Variants in GABBR2 observed in about 807,000 individuals in gnomAD.
The protein encoded by GABBR2 is gamma-aminobutyric acid type B receptor subunit 2.
A neutral mutation model predicts 105.6 loss-of-function variants in GABBR2; 23 were observed. That is an observed-to-expected ratio of 0.22 (90% CI 0.16 to 0.31). GABBR2 has a LOEUF of 0.31. GABBR2 is among the 10% of genes least tolerant of loss of function. The pLI, the probability that GABBR2 is intolerant of heterozygous loss-of-function variation, is 1.00. For synonymous variants in GABBR2, 478 were observed against 499.7 expected (o/e 0.96, Z 0.58); for missense variants, 734 against 1,245.5 (o/e 0.59, Z 6.18).
chr9:98,548,655 G>A (rs1274479816), intron 2 of GABBR2, among the ~76,000 whole-genome samples: 1 of 119,548 alleles, frequency 8.4e-6, no homozygotes, highest in Non-Finnish European at 1.9e-5. Context: ...GTTAGGTAGA[G>A]GCAATAGCTA....
intron 4 of GABBR2, among the ~76,000 whole-genome samples, chr9:98,491,164 C>T (rs948161632): frequency 3.3e-5 from 5 of 152,158 alleles, no homozygotes; most frequent in Non-Finnish European, 7.4e-5. Context: ...ATGTTATTCT[C>T]AAGGTGGATT....
At chr9:98,625,363 T>C (rs1829722423) in intron 1 of GABBR2, among the ~76,000 whole-genome samples, 1 of 152,338 alleles carries the variant, frequency 6.6e-6, no homozygotes, top group Middle Eastern at 3.4e-3. Context: ...TGCCCTTCTG[T>C]GGAAACTGTT....
At chr9:98,642,748 C>CGT (rs142022326) in intron 1 of GABBR2, among the ~76,000 whole-genome samples, 2 of 152,112 alleles carry the variant, frequency 1.3e-5, no homozygotes, top group African/African-American at 2.4e-5. Context: ...TAGGCGTGCG[C>CGT]GTGTGTGTGT....
intron 3 of GABBR2, among the ~76,000 whole-genome samples, chr9:98,521,702 T>A (rs953845132): frequency 6.6e-6 from 1 of 152,078 alleles, no homozygotes; most frequent in African/African-American, 2.4e-5. Context: ...CCTAGGCTGG[T>A]CATATAAAAT....
At chr9:98,324,685 G>A (rs952186737) in intron 13 of GABBR2, among the ~76,000 whole-genome samples, 4 of 152,178 alleles carry the variant, frequency 2.6e-5, no homozygotes, top group Admixed American at 6.5e-5. Flanking sequence ...GCCACTGCTG[G>A]CGGTGTGTGG....
chr9:98,586,472 G>A (rs749122059), intron 1 of GABBR2, among the ~76,000 whole-genome samples: 3 of 152,080 alleles, frequency 2.0e-5, no homozygotes, highest in Non-Finnish European at 2.9e-5. Context: ...GCTAACTTTC[G>A]TATTTTTAGT....
At chr9:98,415,435 C>T (rs1014867103) in intron 7 of GABBR2, among the ~76,000 whole-genome samples, 3 of 152,144 alleles carry the variant, frequency 2.0e-5, no homozygotes, top group East Asian at 3.9e-4. Context: ...TCTGTGCAAA[C>T]GTAAGCCCGT....
At chr9:98,531,177 A>G (rs144793070) in intron 3 of GABBR2, among the ~76,000 whole-genome samples, 63 of 152,292 alleles carry the variant, frequency 4.1e-4, no homozygotes, top group African/African-American at 1.5e-3. Flanking sequence ...AGCAAAGAGT[A>G]CAACACTCAC....
chr9:98,405,163 C>CA (rs1386978364), intron 8 of GABBR2, among the ~76,000 whole-genome samples: 1 of 152,040 alleles, frequency 6.6e-6, no homozygotes, highest in Non-Finnish European at 1.5e-5. Flanking sequence ...AGAAGATTGG[C>CA]AAAATGTCGA....
At chr9:98,693,353 G>A (rs991078936) in intron 1 of GABBR2, among the ~76,000 whole-genome samples, 1 of 152,198 alleles carries the variant, frequency 6.6e-6, no homozygotes, top group Non-Finnish European at 1.5e-5. Flanking sequence ...TGCCATTCCC[G>A]GGCCCCTCCA....
At chr9:98,539,696 T>A (rs1828252542) in intron 3 of GABBR2, among the ~76,000 whole-genome samples, 1 of 151,854 alleles carries the variant, frequency 6.6e-6, no homozygotes, top group African/African-American at 2.4e-5. Flanking sequence ...GGTGAGCAGA[T>A]CAAGAGGTCA....
At chr9:98,595,025 G>A (rs190646801) in intron 1 of GABBR2, among the ~76,000 whole-genome samples, 17 of 152,158 alleles carry the variant, frequency 1.1e-4, no homozygotes, top group African/African-American at 3.4e-4. Flanking sequence ...CACAGTCACC[G>A]CAGAGAATGG....
chr9:98,429,862 C>T (rs1825766854), intron 7 of GABBR2, among the ~76,000 whole-genome samples: 1 of 152,226 alleles, frequency 6.6e-6, no homozygotes, highest in Non-Finnish European at 1.5e-5. Flanking sequence ...TTGTCTCCAA[C>T]TTCCCTCCCC....
chr9:98,689,099 CCTT>C (rs1830654626), intron 1 of GABBR2, among the ~76,000 whole-genome samples: 1 of 152,198 alleles, frequency 6.6e-6, no homozygotes, highest in African/African-American at 2.4e-5. Context: ...AAGCCTCTCT[CCTT>C]CTCTGGGCCT....
intron 13 of GABBR2, among the ~76,000 whole-genome samples, chr9:98,324,561 C>G (rs1458626559): frequency 1.3e-5 from 2 of 149,244 alleles, no homozygotes; most frequent in Non-Finnish European, 3.0e-5. Context: ...CATTCCAGAA[C>G]AATATACTCA....
intron 7 of GABBR2, among the ~76,000 whole-genome samples, chr9:98,436,347 CCATATATATATATATATATATAT>C (rs1564068177): frequency 0.16 from 5,090 of 31,576 alleles, 929 homozygotes; most frequent in Middle Eastern, 0.26. Context: ...CACACACACA[CCATATATATATATATATATATAT>C]ATATATATAT....
chr9:98,288,523 A>C lies in GABBR2; in HGVS notation c.*2061T>G, dbSNP rs965564138. ...TTTGTTTTCCTGCTATGCTGGAATA[A>C]TATTTCTACAGGTATTTTTTTTTGT... is the stretch of plus-strand genomic sequence containing the variant. On this transcript the variant is annotated 3_prime_UTR_variant, in exon 19 of 19. Transcript: ENST00000259455. 1 of 151,816 alleles carries C rather than the reference A, an allele frequency of 6.6e-6. No individual in the cohort carries two copies. Among genetic ancestry groups the C allele is most frequent in the Non-Finnish European group, 1.5e-5 (1 of 67,800 alleles). The allele number at this position is 151,816 out of a possible 1,614,324, so 9.4% of individuals were successfully genotyped here.
At chr9:98,687,199 A>C (rs1244697786) in intron 1 of GABBR2, among the ~76,000 whole-genome samples, 1 of 151,562 alleles carries the variant, frequency 6.6e-6, no homozygotes, top group East Asian at 2.0e-4. Context: ...CTCAGTTCCA[A>C]GCAGAATAAG....
At chr9:98,568,736 C>T (rs528004740) in intron 2 of GABBR2, among the ~76,000 whole-genome samples, 24 of 152,192 alleles carry the variant, frequency 1.6e-4, no homozygotes, top group Non-Finnish European at 2.5e-4. Context: ...CCATGGGTCC[C>T]GCTTCAAGCC....
Sources: allele counts gnomAD v4.1 joint callset (sites outside exome capture counted in the v4.1 genomes callset), GRCh38; gene constraint gnomAD v4.1.1; transcripts MANE v1.5; gene names NCBI Gene and HGNC (gene_info 2026-07-23, HGNC 2026-07-21).